Variants in CACNA1E observed in about 807,000 individuals in gnomAD.
CACNA1E encodes voltage-dependent R-type calcium channel subunit alpha-1E.
Under a neutral mutation model 259.2 loss-of-function variants are expected in CACNA1E, and 40 were observed. The ratio of observed to expected loss-of-function variants is 0.15; its 90% CI spans 0.12 to 0.20. The LOEUF (loss-of-function observed/expected upper bound fraction) is 0.20. Ranked by LOEUF, CACNA1E falls within the 10% of genes least tolerant of loss-of-function variation. The probability of loss-of-function intolerance (pLI) is 1.00; values close to 1 mark genes in which losing one functional copy is unlikely to be tolerated. For missense variants in CACNA1E, 1,874 were observed against 3,040.1 expected, an observed-to-expected ratio of 0.62 and a Z score of 9.02; for synonymous variants, 1,104 against 1,138.5, an observed-to-expected ratio of 0.97 and a Z score of 0.61.
intron 3 of CACNA1E, among the ~76,000 whole-genome samples, chr1:181,515,011 G>T (rs1402448844): frequency 6.6e-6 from 1 of 152,132 alleles, no homozygotes; most frequent in Non-Finnish European, 1.5e-5. Context: ...TTGCTAGCAG[G>T]CACTAGATCC....
intron 12 of CACNA1E, among the ~76,000 whole-genome samples, chr1:181,718,743 T>C (rs1267194363): frequency 6.6e-6 from 1 of 152,174 alleles, no homozygotes; most frequent in Non-Finnish European, 1.5e-5. Context: ...TATCTAAATG[T>C]ATACATTGTG....
At chr1:181,478,639 CAG>C (rs752985443), upstream of CACNA1E, among the ~76,000 whole-genome samples, 2 of 152,094 alleles carry the variant, frequency 1.3e-5, no homozygotes, top group East Asian at 1.9e-4. Context: ...GTGTAACTGG[CAG>C]GGTGGGGGAA....
chr1:181,628,250 C>T (rs1656383533), intron 6 of CACNA1E, among the ~76,000 whole-genome samples: 1 of 152,224 alleles, frequency 6.6e-6, no homozygotes, highest in African/African-American at 2.4e-5. Context: ...AGCAAACTCA[C>T]ACTCAGGGAC....
intron 2 of CACNA1E, among the ~76,000 whole-genome samples, chr1:181,463,980 A>G (rs905104967): frequency 1.3e-5 from 2 of 152,122 alleles, no homozygotes; most frequent in Non-Finnish European, 2.9e-5. Context: ...ATTTTTGTGT[A>G]TAGTGTGAGG....
chr1:181,415,601 G>A (rs1658208734), intron 2 of CACNA1E, among the ~76,000 whole-genome samples: 1 of 152,170 alleles, frequency 6.6e-6, no homozygotes, highest in South Asian at 2.1e-4. Flanking sequence ...TTGCTGAGAG[G>A]TCAAATAAAA....
chr1:181,486,500 T>C lies in CACNA1E; in HGVS notation c.266+2490T>C, dbSNP rs58073759. ...CACCTTCCTTTCCTTTCTAAACAAATAACTTCCCAAGTATCTTGCTTTGTC... is the reference window on the plus strand; with the variant it reads ...CACCTTCCTTTCCTTTCTAAACAAACAACTTCCCAAGTATCTTGCTTTGTC... On this transcript the variant is annotated intron_variant, in intron 1 of 47. Transcript: ENST00000367573. Among the ~76,000 whole-genome samples, 272 of 152,318 alleles carry C rather than the reference T, an allele frequency of 1.8e-3. 2 individuals carry two copies. Among genetic ancestry groups the C allele is most frequent in the African/African-American group, 6.3e-3 (262 of 41,552 alleles).
At chr1:181,407,442 A>G (rs1657545660) in intron 1 of CACNA1E, among the ~76,000 whole-genome samples, 1 of 152,168 alleles carries the variant, frequency 6.6e-6, no homozygotes, top group African/African-American at 2.4e-5. Flanking sequence ...CTTTTAGGAC[A>G]GTGTTTGAAG....
chr1:181,483,406 C>T (rs376948885), upstream of CACNA1E: 33 of 192,192 alleles, frequency 1.7e-4, no homozygotes, highest in East Asian at 3.5e-3. Context: ...TCTCTGGTCC[C>T]TGAACACCAC....
At position 181,616,726 on chromosome 1, in the gene CACNA1E, A is replaced by G. The variant is rs918964710; in HGVS notation, c.952-34612A>G. ...AGACTCCATCTCAAAAAAACAAAAC[A>G]AAACAAACAAACAAAAAAAAAGGAG... On this transcript the variant is annotated intron_variant, in intron 6 of 47. Transcript: ENST00000367573. Among the ~76,000 whole-genome samples, 13 of 152,186 alleles carry G rather than the reference A, an allele frequency of 8.5e-5. No individual in the cohort carries two copies. In the South Asian group the frequency reaches 2.7e-3, roughly 32 times the overall value.
rs532724010 is a variant in CACNA1E at position 181,593,965 on chromosome 1, A to C, written c.951+13189A>C. ...AATAGCATAATGGAAAAATAATGGC[A>C]ATGTAGTTTTTCATGAAACTAAATT... On this transcript the variant is annotated intron_variant, in intron 6 of 47. Coordinates refer to ENST00000367573, the MANE Select transcript of CACNA1E (RefSeq NM_001205293.3). 4.8e-4 allele frequency among the ~76,000 whole-genome samples: 73 copies of C among 152,332 alleles called. No individual in the cohort carries two copies. The South Asian group carries it at 0.012, about 26-fold the overall frequency.
intron 37 of CACNA1E, among the ~76,000 whole-genome samples, chr1:181,773,552 A>G (rs1234019065): frequency 6.6e-6 from 1 of 152,222 alleles, no homozygotes; most frequent in Non-Finnish European, 1.5e-5. Flanking sequence ...AAACCCCCTG[A>G]AATTTAGAAT....
chr1:181,628,888 T>G (rs1656444937), intron 6 of CACNA1E, among the ~76,000 whole-genome samples: 2 of 152,242 alleles, frequency 1.3e-5, no homozygotes, highest in Non-Finnish European at 2.9e-5. Context: ...TTTTAGTGCT[T>G]CTTTCTTGAT....
chr1:181,729,557 G>A (rs4652676), intron 18 of CACNA1E, among the ~76,000 whole-genome samples: 39,669 of 152,114 alleles, frequency 0.26, 5,224 homozygotes, highest in South Asian at 0.36. Context: ...AAACCACTCC[G>A]ATCTCAGAAC....
intron 6 of CACNA1E, among the ~76,000 whole-genome samples, chr1:181,597,537 C>G (rs909976970): frequency 6.6e-6 from 1 of 152,230 alleles, no homozygotes; most frequent in Non-Finnish European, 1.5e-5. Flanking sequence ...CAGCATTCCT[C>G]TTACACCTAC....
At chr1:181,680,414 T>C (rs74127820) in intron 7 of CACNA1E, among the ~76,000 whole-genome samples, 2,254 of 152,196 alleles carry the variant, frequency 0.015, 44 homozygotes, top group African/African-American at 0.052. Context: ...CACAAGCCAA[T>C]GATGTGACAA....
At chr1:181,664,394 C>A (rs1474224915) in intron 7 of CACNA1E, among the ~76,000 whole-genome samples, 1 of 152,164 alleles carries the variant, frequency 6.6e-6, no homozygotes, top group Non-Finnish European at 1.5e-5. Context: ...ATTCAAAAAT[C>A]CCTGCCTCCA....
In CACNA1E at chr1:181,674,622, C is replaced by G. The variant is rs550949049; in HGVS notation, c.1055+23181C>G. Among the ~76,000 whole-genome samples, 20 of 152,208 alleles carry G rather than the reference C, an allele frequency of 1.3e-4. No homozygotes were observed. In the South Asian group the frequency reaches 4.1e-3, roughly 32 times the overall value. On this transcript the variant is annotated intron_variant, in intron 7 of 47. Transcript: ENST00000367573. ...TTCCATGCCCCCTCAGCTGCGAATT[C>G]CCATGTTTTCTGGGCCAGTTATCTG...
At chr1:181,665,244 C>T (rs1477407805) in intron 7 of CACNA1E, among the ~76,000 whole-genome samples, 5 of 152,140 alleles carry the variant, frequency 3.3e-5, no homozygotes, top group African/African-American at 9.7e-5. Context: ...TACATACACA[C>T]ACATTTTCAC....
At chr1:181,770,380 CTG>C (rs1342085877) in intron 35 of CACNA1E, among the ~76,000 whole-genome samples, 1 of 152,086 alleles carries the variant, frequency 6.6e-6, no homozygotes, top group Non-Finnish European at 1.5e-5. Context: ...CCAGGCAGTG[CTG>C]TGTCTGGGAG....
Sources: allele counts gnomAD v4.1 joint callset (sites outside exome capture counted in the v4.1 genomes callset), GRCh38; gene constraint gnomAD v4.1.1; transcripts MANE v1.5; gene names NCBI Gene and HGNC (gene_info 2026-07-23, HGNC 2026-07-21).